Variants in MYO16 observed in about 807,000 individuals in gnomAD.
MYO16 encodes the protein unconventional myosin-XVI.
Under a neutral mutation model 205.3 loss-of-function variants are expected in MYO16, and 94 were observed. That is an observed-to-expected ratio of 0.46 (90% CI 0.39 to 0.54). The LOEUF (loss-of-function observed/expected upper bound fraction) is 0.54. Ranked by LOEUF, MYO16 falls within the 20% of genes least tolerant of loss-of-function variation. MYO16 has a pLI of 0.00. For synonymous variants in MYO16, 988 were observed against 954.0 expected, an observed-to-expected ratio of 1.04 and a Z score of -0.66; for missense variants, 2,315 against 2,387.5, an observed-to-expected ratio of 0.97 and a Z score of 0.63.
intron 13 of MYO16, among the ~76,000 whole-genome samples, chr13:108,885,340 G>A (rs1174596920): frequency 6.6e-5 from 10 of 152,048 alleles, no homozygotes; most frequent in East Asian, 3.9e-4. Flanking sequence ...GGCTGGTCTC[G>A]AACTCCTGAG....
intron 8 of MYO16, among the ~76,000 whole-genome samples, chr13:108,821,880 A>G (rs1453270610): frequency 1.3e-5 from 2 of 152,190 alleles, no homozygotes; most frequent in Admixed American, 6.6e-5. Context: ...CCTGTTGGCA[A>G]TATGAGACAC....
intron 27 of MYO16, among the ~76,000 whole-genome samples, chr13:109,086,958 T>A (rs1172407525): frequency 6.6e-6 from 1 of 152,262 alleles, no homozygotes; most frequent in Non-Finnish European, 1.5e-5. Context: ...TAAAATTCAC[T>A]GCTACTAATG....
intron 23 of MYO16, among the ~76,000 whole-genome samples, chr13:109,023,321 T>C (rs1470652831): frequency 4.9e-5 from 4 of 81,652 alleles, no homozygotes; most frequent in African/African-American, 2.0e-4. Context: ...TATTTATATA[T>C]TATACAGATA....
intron 24 of MYO16, among the ~76,000 whole-genome samples, chr13:109,051,361 A>G (rs1408646108): frequency 6.6e-6 from 1 of 152,184 alleles, no homozygotes; most frequent in Non-Finnish European, 1.5e-5. Context: ...GGCAGAAACT[A>G]AACACTTTGC....
rs1428807728 is a variant in MYO16 at position 109,164,952 on chromosome 13, A to G, written c.5216A>G (p.Glu1739Gly). 1.2e-6 allele frequency: 2 copies of G among 1,608,992 alleles called. No individual in the cohort carries two copies. Among genetic ancestry groups the G allele is most frequent in the Non-Finnish European group, 8.5e-7 (1 of 1,177,362 alleles). The stretch of plus-strand genomic sequence containing the variant: ...AGCCGAGATGACCCTAGTACGTCAG[A>G]AATTACTTCCGAGACTCAAGACAGA... ...ISSRDDPSTS[E>G]ITSETQDRNA... The change falls in exon 33 of 35, where the codon GAA (glutamate) becomes GGA (glycine). Residue 1739 changes from glutamate to glycine, a missense_variant. This residue lies in a region of MYO16 where 1,097 missense variants were observed against 1,092.0 expected (regional missense o/e 1.00). Coordinates refer to ENST00000457511, the MANE Select transcript of MYO16 (RefSeq NM_001198950.3).
chr13:108,865,897 A>T (rs1252032804), intron 11 of MYO16, among the ~76,000 whole-genome samples: 6 of 152,090 alleles, frequency 3.9e-5, no homozygotes, highest in Non-Finnish European at 8.8e-5. Flanking sequence ...ATTCTCACAG[A>T]ATCTTTTAAG....
chr13:108,737,341 G>T (rs1212824072), intron 4 of MYO16, among the ~76,000 whole-genome samples: 1 of 152,108 alleles, frequency 6.6e-6, no homozygotes, highest in Non-Finnish European at 1.5e-5. Flanking sequence ...AGAGTTTTTA[G>T]CATGAAGGGC....
At chr13:108,858,496 G>A (rs868619794) in intron 11 of MYO16, among the ~76,000 whole-genome samples, 4 of 152,132 alleles carry the variant, frequency 2.6e-5, no homozygotes, top group Middle Eastern at 3.2e-3. Flanking sequence ...CATTTGGTGA[G>A]ACTGTTGATG....
chr13:108,677,912 T>C (rs1001871375), intron 2 of MYO16, among the ~76,000 whole-genome samples: 3 of 152,228 alleles, frequency 2.0e-5, no homozygotes, highest in Non-Finnish European at 4.4e-5. Context: ...TTCTGATTTA[T>C]TGTGCTCACA....
At chr13:108,687,930 G>A (rs969705182) in intron 2 of MYO16, among the ~76,000 whole-genome samples, 1 of 152,142 alleles carries the variant, frequency 6.6e-6, no homozygotes, top group African/African-American at 2.4e-5. Context: ...CTGTGAGAAC[G>A]ATGAGGAGCC....
At chr13:108,839,722 T>C (rs1282301563) in intron 9 of MYO16, among the ~76,000 whole-genome samples, 1 of 152,198 alleles carries the variant, frequency 6.6e-6, no homozygotes, top group African/African-American at 2.4e-5. Flanking sequence ...TTTGTGTTCT[T>C]CCTACTTCCT....
At chr13:108,834,687 A>AATAT (rs370846569) in intron 9 of MYO16, among the ~76,000 whole-genome samples, 2 of 147,782 alleles carry the variant, frequency 1.4e-5, no homozygotes, top group East Asian at 2.0e-4. Context: ...TATATATGTG[A>AATAT]ATATATATAT....
intron 16 of MYO16, among the ~76,000 whole-genome samples, chr13:108,947,413 C>T (rs372595229): frequency 5.0e-4 from 76 of 152,342 alleles, no homozygotes; most frequent in African/African-American, 1.8e-3. Flanking sequence ...CTGCCCACCT[C>T]TCCCTCCAGT....
chr13:108,744,231 A>AT (rs1054456600), intron 4 of MYO16, among the ~76,000 whole-genome samples: 1 of 151,906 alleles, frequency 6.6e-6, no homozygotes, highest in East Asian at 1.9e-4. Context: ...GAAACGATTG[A>AT]TTTTTTCCTA....
Position 108,687,271 on chromosome 13 carries a change from G to T in MYO16, c.292+21122G>T, listed in dbSNP as rs76838540. Among the ~76,000 whole-genome samples, 1,389 of 152,286 alleles carry T rather than the reference G, an allele frequency of 9.1e-3. 27 individuals are homozygous for T. The highest frequency in any genetic ancestry group is 0.031 in the African/African-American group (1,284 of 41,554). Reference sequence around the variant, plus strand: ...GCAGTGCAGTGTCTTCTCGCCAGGGGTTTGATAAATAACATTGGCAGAAGT... The same window carrying T: ...GCAGTGCAGTGTCTTCTCGCCAGGGTTTTGATAAATAACATTGGCAGAAGT... On this transcript the variant is annotated intron_variant, in intron 2 of 34. Transcript: ENST00000457511.
At chr13:108,992,488 G>A in intron 21 of MYO16, 40 bp downstream of exon 21, 1 of 1,305,190 alleles carries the variant, frequency 7.7e-7, no homozygotes, top group Non-Finnish European at 1.1e-6. Flanking sequence ...AACTTGAATG[G>A]CTTTTGAAAC....
At chr13:109,185,501 T>G (rs985272496) in intron 34 of MYO16, among the ~76,000 whole-genome samples, 1 of 152,194 alleles carries the variant, frequency 6.6e-6, no homozygotes, top group African/African-American at 2.4e-5. Context: ...ACATTGTAGA[T>G]GCTATCCAAA....
At chr13:108,690,068 C>A (rs554524894) in intron 2 of MYO16, among the ~76,000 whole-genome samples, 1 of 152,190 alleles carries the variant, frequency 6.6e-6, no homozygotes, top group East Asian at 1.9e-4. Context: ...AAGCCCAATG[C>A]CTTCCACCAG....
chr13:108,592,032 A>G (rs1250776611), upstream of MYO16, among the ~76,000 whole-genome samples: 1 of 144,918 alleles, frequency 6.9e-6, no homozygotes, highest in Non-Finnish European at 1.5e-5. Flanking sequence ...TAAAGACATA[A>G]GATTAAAAAA....
Sources: gnomAD v4.1 joint callset for allele counts (sites outside exome capture counted in the v4.1 genomes callset) on GRCh38, gnomAD v4.1.1 for gene constraint, gnomAD v4.1.1 regional missense constraint, MANE v1.5 for transcripts, NCBI Gene and HGNC (gene_info 2026-07-23, HGNC 2026-07-21) for gene names.